The following ATP6V1A variants were observed in gnomAD, a reference collection of about 807,000 sequenced individuals.
The protein encoded by ATP6V1A is V-type proton ATPase catalytic subunit A.
ATP6V1A carries 18 observed loss-of-function variants against 70.1 expected under a neutral mutation model. The ratio of observed to expected loss-of-function variants is 0.26; its 90% confidence interval spans 0.18 to 0.38. The LOEUF is 0.38. Ranked by LOEUF, ATP6V1A falls within the 10% of genes least tolerant of loss-of-function variation. The pLI, the probability that ATP6V1A is intolerant of heterozygous loss-of-function variation, is 1.00. For missense variants in ATP6V1A, 424 were observed against 772.4 expected (o/e 0.55, Z 5.35); for synonymous variants, 232 against 253.8 (o/e 0.91, Z 0.82).
At chr3:113,789,669 A>G (rs1709071523) in intron 7 of ATP6V1A, 63 bp from the exon 8 acceptor site, 4 of 1,295,618 alleles carry the variant, frequency 3.1e-6, no homozygotes, top group Non-Finnish European at 4.4e-6. Context: ...AAAAAGAAAA[A>G]TAGGGAGGGC....
intron 3 of ATP6V1A, among the ~76,000 whole-genome samples, chr3:113,782,587 C>CACAT (rs1708991096): frequency 7.1e-6 from 1 of 140,618 alleles, no homozygotes; most frequent in African/African-American, 2.6e-5. Flanking sequence ...TATATATACA[C>CACAT]ATATATATAT....
intron 1 of ATP6V1A, among the ~76,000 whole-genome samples, chr3:113,765,766 A>G (rs1337829292): frequency 6.6e-6 from 1 of 151,362 alleles, no homozygotes; most frequent in Non-Finnish European, 1.5e-5. Context: ...AAAATACAAA[A>G]AAAAAAAAAA....
At chr3:113,754,686 TGTG>T (rs1260097183) in intron 1 of ATP6V1A, among the ~76,000 whole-genome samples, 16 of 152,164 alleles carry the variant, frequency 1.1e-4, no homozygotes, top group African/African-American at 3.9e-4. Flanking sequence ...ATTGCACAAG[TGTG>T]GGATCTGTCA....
intron 1 of ATP6V1A, among the ~76,000 whole-genome samples, chr3:113,753,673 A>G (rs913282396): frequency 6.6e-5 from 10 of 151,800 alleles, no homozygotes; most frequent in Admixed American, 4.6e-4. Flanking sequence ...GTACATTCTG[A>G]AAGGATTTCT....
chr3:113,771,879 A>AAACTTGTTTGGATTTC (rs1222813243), intron 1 of ATP6V1A, among the ~76,000 whole-genome samples: 2 of 152,224 alleles, frequency 1.3e-5, no homozygotes, highest in African/African-American at 2.4e-5. Context: ...GAGAATATAC[A>AAACTTGTTTGGATTTC]AGAGCATGCC....
At chr3:113,773,015 G>A (rs1181477001) in intron 1 of ATP6V1A, among the ~76,000 whole-genome samples, 1 of 129,864 alleles carries the variant, frequency 7.7e-6, no homozygotes, top group Non-Finnish European at 1.5e-5. Flanking sequence ...TCGGTTCACT[G>A]CAGTCTCTGC....
At chr3:113,785,350 G>A (rs1341554178) in intron 5 of ATP6V1A, among the ~76,000 whole-genome samples, 2 of 152,140 alleles carry the variant, frequency 1.3e-5, no homozygotes, top group Middle Eastern at 3.2e-3. Flanking sequence ...TGAGGCAGGA[G>A]AATCGCCTGA....
At chr3:113,770,124 CTG>C (rs1708818570) in intron 1 of ATP6V1A, among the ~76,000 whole-genome samples, 1 of 152,016 alleles carries the variant, frequency 6.6e-6, no homozygotes, top group Admixed American at 6.6e-5. Flanking sequence ...TCTCCAGTCA[CTG>C]AAACCTCCAC....
At chr3:113,791,802 A>G (rs768704191) in intron 8 of ATP6V1A, among the ~76,000 whole-genome samples, 4 of 148,560 alleles carry the variant, frequency 2.7e-5, no homozygotes, top group Admixed American at 1.3e-4. Flanking sequence ...TTTGATGCCA[A>G]ACTGAGTACA....
In ATP6V1A at chr3:113,767,726, G is replaced by A. The variant is rs979133514; in HGVS notation, c.-13-11015G>A. 7.3e-5 allele frequency among the ~76,000 whole-genome samples: 11 copies of A among 151,644 alleles called. No homozygotes were observed. In the East Asian group the frequency reaches 1.2e-3, roughly 16 times the overall value. ...GAGTGCAGTGGCTCAATCTCAGCTC[G>A]CTGCAACCTCCGCCTCCTGGGTTCA... is the stretch of plus-strand genomic sequence containing the variant. On this transcript the variant is annotated intron_variant, in intron 1 of 14. Transcript: ENST00000273398.
intron 1 of ATP6V1A, among the ~76,000 whole-genome samples, chr3:113,761,092 C>G (rs1391185958): frequency 6.8e-6 from 1 of 147,932 alleles, no homozygotes; most frequent in Non-Finnish European, 1.5e-5. Flanking sequence ...GACATATTTT[C>G]TTTTCTTTTC....
intron 2 of ATP6V1A, among the ~76,000 whole-genome samples, chr3:113,780,247 G>A (rs1219918920): frequency 6.6e-6 from 1 of 152,170 alleles, no homozygotes; most frequent in Non-Finnish European, 1.5e-5. Context: ...TTCCACTGAA[G>A]TATTACCTAT....
rs1358239039 is a variant in ATP6V1A at position 113,786,373 on chromosome 3, G to T, written c.706G>T (p.Ala236Ser). Reference protein sequence around the residue: ...PLLTGQRVLDALFPCVQGGTT... With the variant: ...PLLTGQRVLDSLFPCVQGGTT... ...GTTGACTGGCCAGAGAGTCCTTGATGCCCTTTTTCCGTAAGTTTGAGATGT... is the reference window on the plus strand; with the variant it reads ...GTTGACTGGCCAGAGAGTCCTTGATTCCCTTTTTCCGTAAGTTTGAGATGT... The change falls in exon 6 of 15, where the codon GCC (alanine) becomes TCC (serine). Residue 236 changes from alanine (A) to serine (S), a missense_variant. This residue lies in a region of ATP6V1A where 22 missense variants were observed against 45.6 expected (regional missense o/e 0.48). Coordinates refer to ENST00000273398, the MANE Select transcript of ATP6V1A (RefSeq NM_001690.4). The T allele has an allele frequency of 1.9e-6, 3 of 1,613,048 alleles. No individual in the cohort carries two copies. The highest frequency in any genetic ancestry group is 4.5e-5 in the East Asian group (2 of 44,858).
rs756708056 is a variant in ATP6V1A at position 113,788,883 on chromosome 3, T to TA, written c.879+11dup. The TA allele has an allele frequency of 1.2e-6, 2 of 1,608,722 alleles. No homozygotes were observed. The highest frequency in any genetic ancestry group is 1.7e-6 in the Non-Finnish European group (2 of 1,177,234). On this transcript the variant is annotated intron_variant, in intron 7 of 14. Transcript: ENST00000273398. ...CTCCGGGACTTCCCAGAGGTCTGTATAAAGCTTCAAATAATATCCTAGAGA... is the reference window on the plus strand; with the variant it reads ...CTCCGGGACTTCCCAGAGGTCTGTATAAAAGCTTCAAATAATATCCTAGAGA...
chr3:113,753,211 A>G (rs983781471), intron 1 of ATP6V1A, among the ~76,000 whole-genome samples: 1 of 152,218 alleles, frequency 6.6e-6, no homozygotes. Flanking sequence ...ACAGTAAAGG[A>G]TGTGTAACCT....
At chr3:113,750,532 A>T (rs190290138) in intron 1 of ATP6V1A, among the ~76,000 whole-genome samples, 1 of 152,312 alleles carries the variant, frequency 6.6e-6, no homozygotes, top group East Asian at 1.9e-4. Context: ...GTAAAATGGT[A>T]AAGCAGTGTA....
chr3:113,754,831 G>A (rs1277234365), intron 1 of ATP6V1A, among the ~76,000 whole-genome samples: 1 of 152,062 alleles, frequency 6.6e-6, no homozygotes, highest in African/African-American at 2.4e-5. Flanking sequence ...AAAATAAAAA[G>A]TACTTATAAT....
At chr3:113,749,582 C>G (rs1236555987) in intron 1 of ATP6V1A, among the ~76,000 whole-genome samples, 1 of 152,112 alleles carries the variant, frequency 6.6e-6, no homozygotes, top group Non-Finnish European at 1.5e-5. Context: ...TAATCATCAT[C>G]ATCATCTTTT....
rs36088874 is a variant in ATP6V1A at position 113,764,998 on chromosome 3, G to GAA, written c.-13-13727_-13-13726dup. ...GCCAGACCCAGACCCTGTCTTAATT[G>GAA]AAAAAAAAAAAAAAAAAGCAGGAAT... is the stretch of plus-strand genomic sequence containing the variant. On this transcript the variant is annotated intron_variant, in intron 1 of 14. Coordinates refer to ENST00000273398, the MANE Select transcript of ATP6V1A (RefSeq NM_001690.4). Among the ~76,000 whole-genome samples, 132 of 113,474 alleles carry GAA rather than the reference G, an allele frequency of 1.2e-3. 1 individual carries two copies. Among genetic ancestry groups the GAA allele is most frequent in the South Asian group, 6.7e-3 (22 of 3,290 alleles). 74.4% of individuals were successfully genotyped at this position (113,474 alleles called of 152,430 possible). A position where few individuals can be genotyped will look rare whatever the true frequency, so the allele number is the denominator to read the frequency against.
Sources: gnomAD v4.1 joint callset for allele counts (sites outside exome capture counted in the v4.1 genomes callset) on GRCh38, gnomAD v4.1.1 for gene constraint, gnomAD v4.1.1 regional missense constraint, MANE v1.5 for transcripts, NCBI Gene and HGNC (gene_info 2026-07-23, HGNC 2026-07-21) for gene names.